SLC1A5: variants seen among roughly 807,000 people sequenced by gnomAD.
SLC1A5 encodes neutral amino acid transporter B(0).
Under a neutral mutation model 34.9 loss-of-function variants are expected in SLC1A5, and 25 were observed. That is an observed-to-expected ratio of 0.72 (90% CI 0.52 to 1.00). The LOEUF (loss-of-function observed/expected upper bound fraction) is 1.00, where lower values mean the gene tolerates loss of function less well. Ranked by LOEUF, SLC1A5 falls within the 50% of genes least tolerant of loss-of-function variation. The probability of loss-of-function intolerance (pLI) is 0.00; values close to 1 mark genes in which losing one functional copy is unlikely to be tolerated. For synonymous variants in SLC1A5, 351 were observed against 341.2 expected, an observed-to-expected ratio of 1.03 and a Z score of -0.32; for missense variants, 637 against 740.0, an observed-to-expected ratio of 0.86 and a Z score of 1.61.
chr19:46,787,638 A>C lies in SLC1A5; in HGVS notation c.328T>G (p.Cys110Gly). ...LRMIILPLVV[C>G]SLIGGAASLD... ...CTGGCGGCGCCGCCGATCAAGCTGC[A>C]CACCACCAGCGGCAAGATGATCATC... Residue 110 changes from cysteine (C) to glycine (G), a missense_variant, in exon 1 of 8, where the codon TGC becomes GGC. Physicochemically the swap from Cys to Gly is radical, Grantham distance 159. Coordinates refer to ENST00000542575, the MANE Select transcript of SLC1A5 (RefSeq NM_005628.3). This position sits in a 1 kb window ranked among gnomAD's most constrained non-coding sequence, Gnocchi z 5.2. 1 of 1,582,438 alleles carries C rather than the reference A, an allele frequency of 6.3e-7. No individual in the cohort carries two copies. Among genetic ancestry groups the C allele is most frequent in the Non-Finnish European group, 8.6e-7 (1 of 1,167,674 alleles).
intron 1 of SLC1A5, chr19:46,784,892 A>C: frequency 1.5e-6 from 2 of 1,312,834 alleles, no homozygotes; most frequent in Non-Finnish European, 1.9e-6. Flanking sequence ...CAAACTTAAT[A>C]CCCTGGACAG....
rs1184004980 is a variant in SLC1A5, at chr19:46,788,418, G to A, written c.-453C>T. ...CCGGGCTGCCTGGGTCTTGGACACT[G>A]AGGGCTGGGATGCCAGAATCTGGGG... On this transcript the variant is annotated 5_prime_UTR_variant, in exon 1 of 8. Coordinates refer to ENST00000542575, the MANE Select transcript of SLC1A5 (RefSeq NM_005628.3). 1 of 158,770 alleles carries A rather than the reference G, an allele frequency of 6.3e-6. No homozygotes were observed. The highest frequency in any genetic ancestry group is 1.8e-4 in the East Asian group (1 of 5,418). The allele number at this position is 158,770 out of a possible 1,614,324, so 9.8% of individuals were successfully genotyped here.
Position 46,782,427 on chromosome 19 carries a change from G to A in SLC1A5, c.780C>T (p.Asn260=). Residue 260 remains asparagine, a synonymous_variant, in exon 4 of 8, where the codon AAC becomes AAT. Coordinates refer to ENST00000542575, the MANE Select transcript of SLC1A5 (RefSeq NM_005628.3). ...GAACCATGGTGGCCTCATTGAAGGA[G>A]TTGAAGAAGCGGATAAGCAGCTCCC... ...PEGELLIRFF[N]SFNEATMVLV... The A allele has an allele frequency of 6.2e-7, 1 of 1,612,876 alleles. No homozygotes were observed. Among genetic ancestry groups the A allele is most frequent in the Non-Finnish European group, 8.5e-7 (1 of 1,179,752 alleles).
rs117032779 is a variant in SLC1A5 at position 46,788,261 on chromosome 19, A to C, written c.-296T>G. The C allele has an allele frequency of 3.9e-3, 1,505 of 382,780 alleles. 4 individuals are homozygous for C. Among genetic ancestry groups the C allele is most frequent in the Non-Finnish European group, 5.9e-3 (1,275 of 214,526 alleles). 23.7% of individuals were successfully genotyped at this position (382,780 alleles called of 1,614,324 possible). A position where few individuals can be genotyped will look rare whatever the true frequency, so the allele number is the denominator to read the frequency against. On this transcript the variant is annotated 5_prime_UTR_variant, in exon 1 of 8. Transcript: ENST00000542575. ...TTCCTTGGCCCTAGGAGCTGGGAATACGAGAGTTTCTCTGGGTGGGACGTG... is the reference window on the plus strand; with the variant it reads ...TTCCTTGGCCCTAGGAGCTGGGAATCCGAGAGTTTCTCTGGGTGGGACGTG...
chr19:46,780,606 C>A (rs547658264), intron 4 of SLC1A5, among the ~76,000 whole-genome samples: 18 of 151,954 alleles, frequency 1.2e-4, no homozygotes, highest in Non-Finnish European at 2.1e-4. Context: ...AATCCTCCCC[C>A]CTCAGCCTCC....
chr19:46,788,094 C>T lies in SLC1A5; in HGVS notation c.-129G>A. On this transcript the variant is annotated 5_prime_UTR_variant, in exon 1 of 8. Transcript: ENST00000542575. The stretch of plus-strand genomic sequence containing the variant: ...TGGAGACTGGAACTTTGGAGGGCTC[C>T]TTAGAGTTGTGAGTTCACAGCACTG... The T allele has an allele frequency of 1.2e-6, 1 of 841,294 alleles. No individual in the cohort carries two copies. Among genetic ancestry groups the T allele is most frequent in the Non-Finnish European group, 1.8e-6 (1 of 552,154 alleles). The allele number at this position is 841,294 out of a possible 1,614,324, so 52.1% of individuals were successfully genotyped here. A position where few individuals can be genotyped will look rare whatever the true frequency, so the allele number is the denominator to read the frequency against.
chr19:46,782,342 T>TGCCAA, intron 4 of SLC1A5, 41 bp downstream of exon 4: 1 of 523,372 alleles, frequency 1.9e-6, no homozygotes, highest in Non-Finnish European at 3.5e-6. Flanking sequence ...AGACCGACCC[T>TGCCAA]CCAACCCCAC....
At chr19:46,786,393 G>C (rs1384228873) in intron 1 of SLC1A5, among the ~76,000 whole-genome samples, 4 of 152,180 alleles carry the variant, frequency 2.6e-5, no homozygotes, top group African/African-American at 4.8e-5. Context: ...CTCGGAGTGG[G>C]TGTGCCTGCC....
rs2055095086 is a variant in SLC1A5 at position 46,776,973 on chromosome 19, A to G, written c.1388+2T>C. On this transcript the variant is annotated splice_donor_variant, in intron 7 of 7. Transcript: ENST00000542575. LOFTEE classifies it high-confidence loss of function. ...TGCCCCAGTCTCCAGACCCACACTC[A>G]CACTAGCCAGTCCACAGCCAGGATC... 4 of 1,612,614 alleles carry G rather than the reference A, an allele frequency of 2.5e-6. No homozygotes were observed. Among genetic ancestry groups the G allele is most frequent in the Non-Finnish European group, 2.5e-6 (3 of 1,179,438 alleles).
intron 1 of SLC1A5, among the ~76,000 whole-genome samples, chr19:46,785,454 C>A (rs1265445426): frequency 6.6e-6 from 1 of 152,188 alleles, no homozygotes; most frequent in Non-Finnish European, 1.5e-5. Flanking sequence ...GTGCTTGACA[C>A]AAATTAACCC....
chr19:46,787,386 G>C lies in SLC1A5; in HGVS notation c.566+14C>G, dbSNP rs756304124. 6.3e-7 allele frequency: 1 copy of C among 1,583,454 alleles called. No homozygotes were observed. The highest frequency in any genetic ancestry group is 1.3e-5 in the African/African-American group (1 of 74,258). ...TAACACTCTTCCCCACCTCCCGGGG[G>C]AGCGGGAGCTGACCTCGCAAGATCC... On this transcript the variant is annotated intron_variant, in intron 1 of 7. Coordinates refer to ENST00000542575, the MANE Select transcript of SLC1A5 (RefSeq NM_005628.3). The surrounding 1 kb of genome is among the most constrained non-coding windows in gnomAD (Gnocchi z 5.2).
intron 1 of SLC1A5, among the ~76,000 whole-genome samples, chr19:46,786,967 TTA>T (rs2055190948): frequency 6.6e-6 from 1 of 151,660 alleles, no homozygotes. Flanking sequence ...CTGGTGGGAG[TTA>T]CTCAGATCTC....
In SLC1A5 at chr19:46,787,381, CG is replaced by C; in HGVS notation, c.566+18del. Reference sequence around the variant, plus strand: ...ATCCGTAACACTCTTCCCCACCTCCCGGGGGAGCGGGAGCTGACCTCGCAAG... The same window carrying C: ...ATCCGTAACACTCTTCCCCACCTCCCGGGGAGCGGGAGCTGACCTCGCAAG... On this transcript the variant is annotated intron_variant, in intron 1 of 7. Coordinates refer to ENST00000542575, the MANE Select transcript of SLC1A5 (RefSeq NM_005628.3). This position sits in a 1 kb window ranked among gnomAD's most constrained non-coding sequence, Gnocchi z 5.2. The C allele has an allele frequency of 6.3e-7, 1 of 1,578,630 alleles. No individual in the cohort carries two copies. The highest frequency in any genetic ancestry group is 8.6e-7 in the Non-Finnish European group (1 of 1,163,202).
chr19:46,777,001 G>A lies in SLC1A5; in HGVS notation c.1362C>T (p.Ser454=). The A allele has an allele frequency of 6.2e-7, 1 of 1,613,986 alleles. No individual in the cohort carries two copies. ...EAVNLPVDHI[S]LILAVDWLVD... is the part of the protein sequence containing the mutation. ...CTAGCCAGTCCACAGCCAGGATCAAGGAGATATGGTCGACCGGGAGGTTGA... is the reference window on the plus strand; with the variant it reads ...CTAGCCAGTCCACAGCCAGGATCAAAGAGATATGGTCGACCGGGAGGTTGA... Residue 454 remains serine (S), a synonymous_variant, in exon 7 of 8, where the codon TCC becomes TCT. Transcript: ENST00000542575.
In SLC1A5 at chr19:46,787,056, C is replaced by G. The variant is rs2055191540; in HGVS notation, c.566+344G>C. On this transcript the variant is annotated intron_variant, in intron 1 of 7. Transcript: ENST00000542575. This position sits in a 1 kb window ranked among gnomAD's most constrained non-coding sequence, Gnocchi z 5.2. ...TATCTAGAAGCCCCATCTTGGGGCC[C>G]TTGACCACGCAAAGATTCCCCCCGC... is the stretch of plus-strand genomic sequence containing the variant. Among the ~76,000 whole-genome samples, 1 of 152,060 alleles carries G rather than the reference C, an allele frequency of 6.6e-6. No homozygotes were observed. Among genetic ancestry groups the G allele is most frequent in the African/African-American group, 2.4e-5 (1 of 41,402 alleles).
intron 5 of SLC1A5, among the ~76,000 whole-genome samples, chr19:46,778,395 T>C (rs999943396): frequency 2.0e-5 from 3 of 151,828 alleles, no homozygotes; most frequent in African/African-American, 7.3e-5. Context: ...ACCACTACAC[T>C]CCAGCCTGGG....
chr19:46,777,125 G>A lies in SLC1A5; in HGVS notation c.1254-16C>T, dbSNP rs1415117854. 4.3e-6 allele frequency: 7 copies of A among 1,612,828 alleles called. No individual in the cohort carries two copies. Among genetic ancestry groups the A allele is most frequent in the South Asian group, 1.1e-5 (1 of 91,012 alleles). On this transcript the variant is annotated splice_polypyrimidine_tract_variant and intron_variant, in intron 6 of 7. Transcript: ENST00000542575. ...GGCCGTGACCCTGAGGGAGAAGGTG[G>A]GAGGTTAGGCAGATGCCTGTCTTGT...
Position 46,777,075 on chromosome 19 carries a change from CCGCTGCCCCCACGCTGGA to C in SLC1A5, c.1270_1287del (p.Ser424_Ala429del). The C allele has an allele frequency of 6.2e-7, 1 of 1,613,980 alleles. No homozygotes were observed. The stretch of plus-strand genomic sequence containing the variant: ...GTGAGGACACCTCCAGCAGGGATGC[CCGCTGCCCCCACGCTGGA>C]CGCTGTGGCCGTGACCCTGAGGGAG... On this transcript the variant is annotated inframe_deletion, in exon 7 of 8. Transcript: ENST00000542575.
In SLC1A5 at chr19:46,782,364, C is replaced by A. The variant is rs748752566; in HGVS notation, c.824+19G>T. ...CCCTCCAACCCCACCCACCCCCAGC[C>A]TCCTCTCCCACCACCTACCACATGA... On this transcript the variant is annotated intron_variant, in intron 4 of 7. Transcript: ENST00000542575. 12 of 1,496,890 alleles carry A rather than the reference C, an allele frequency of 8.0e-6. No homozygotes were observed. In the South Asian group the frequency reaches 1.0e-4, roughly 13 times the overall value. 92.7% of individuals were successfully genotyped at this position (1,496,890 alleles called of 1,614,324 possible).
Sources: gnomAD v4.1 joint callset for allele counts (sites outside exome capture counted in the v4.1 genomes callset) on GRCh38, gnomAD v4.1.1 for gene constraint, Gnocchi (gnomAD v3.1) non-coding constraint, MANE v1.5 for transcripts, NCBI Gene and HGNC (gene_info 2026-07-23, HGNC 2026-07-21) for gene names.